Variants in FSTL4 observed in about 807,000 individuals in gnomAD.
The protein encoded by FSTL4 is follistatin like 4.
A neutral mutation model predicts 78.2 loss-of-function variants in FSTL4; 28 were observed. The ratio of observed to expected loss-of-function variants is 0.36; its 90% confidence interval spans 0.27 to 0.49. The LOEUF is 0.49. FSTL4 is among the 20% of genes least tolerant of loss of function. FSTL4 has a pLI of 0.98. For synonymous variants in FSTL4, 422 were observed against 440.5 expected (o/e 0.96, Z 0.53); for missense variants, 922 against 1,084.9 (o/e 0.85, Z 2.11).
intron 3 of FSTL4, among the ~76,000 whole-genome samples, chr5:133,508,471 G>A (rs1009683153): frequency 6.6e-5 from 10 of 152,196 alleles, no homozygotes; most frequent in Non-Finnish European, 1.2e-4. Flanking sequence ...CCACAAACAC[G>A]TGAATAAGGA....
chr5:133,560,720 G>C (rs1759893071), intron 3 of FSTL4, among the ~76,000 whole-genome samples: 1 of 151,230 alleles, frequency 6.6e-6, no homozygotes, highest in South Asian at 2.1e-4. Flanking sequence ...TCTGATTGTA[G>C]AAAGAGAGAA....
the FSTL4 span, among the ~76,000 whole-genome samples, chr5:133,719,890 G>T: frequency 2.0e-5 from 3 of 152,102 alleles, no homozygotes; most frequent in African/African-American, 7.2e-5. Flanking sequence ...TAAGATTGGA[G>T]TCAAGTCTTC....
At chr5:133,753,966 T>C in the FSTL4 span, among the ~76,000 whole-genome samples, 2 of 152,162 alleles carry the variant, frequency 1.3e-5, no homozygotes, top group Non-Finnish European at 2.9e-5. Flanking sequence ...AAAAAGGAGA[T>C]TGCAATAAGA....
At chr5:133,632,840 C>G in the FSTL4 span, among the ~76,000 whole-genome samples, 1 of 152,088 alleles carries the variant, frequency 6.6e-6, no homozygotes, top group Admixed American at 6.6e-5. Flanking sequence ...GTACACGTCA[C>G]CACACTCAGC....
At chr5:133,362,400 C>A (rs963186086) in intron 4 of FSTL4, among the ~76,000 whole-genome samples, 1 of 152,164 alleles carries the variant, frequency 6.6e-6, no homozygotes, top group South Asian at 2.1e-4. Context: ...TCTAAAAAGT[C>A]GGCACTGGAT....
At chr5:133,676,816 C>T in the FSTL4 span, among the ~76,000 whole-genome samples, 1 of 152,124 alleles carries the variant, frequency 6.6e-6, no homozygotes, top group South Asian at 2.1e-4. Context: ...TCATCAGAAA[C>T]TGGGAAAAAA....
intron 3 of FSTL4, among the ~76,000 whole-genome samples, chr5:133,487,777 T>C (rs1758166857): frequency 6.6e-6 from 1 of 152,160 alleles, no homozygotes; most frequent in African/African-American, 2.4e-5. Context: ...ACTGAGCTCA[T>C]TTCCAGCCCT....
the FSTL4 span, among the ~76,000 whole-genome samples, chr5:133,657,513 C>G: frequency 3.3e-5 from 5 of 152,232 alleles, no homozygotes; most frequent in African/African-American, 1.2e-4. Flanking sequence ...TCATGAAGGG[C>G]TCTTCTCTAG....
intron 6 of FSTL4, 110 bp downstream of exon 6, chr5:133,312,544 T>G: frequency 9.8e-7 from 1 of 1,015,756 alleles, no homozygotes; most frequent in Non-Finnish European, 1.5e-6. Context: ...TTCCTCTGTA[T>G]AAGAAACCAA....
chr5:133,328,035 T>C (rs1031334949), intron 4 of FSTL4, among the ~76,000 whole-genome samples: 5 of 152,212 alleles, frequency 3.3e-5, no homozygotes, highest in Non-Finnish European at 5.9e-5. Flanking sequence ...TAATTTTGAA[T>C]TTTCTAGGTT....
intron 7 of FSTL4, among the ~76,000 whole-genome samples, chr5:133,242,405 G>GT (rs1348987071): frequency 6.7e-6 from 1 of 149,266 alleles, no homozygotes; most frequent in African/African-American, 2.5e-5. Flanking sequence ...AAGAGACTCT[G>GT]TGGGGAGTTC....
chr5:133,512,732 T>C (rs1471144550), intron 3 of FSTL4, among the ~76,000 whole-genome samples: 1 of 152,226 alleles, frequency 6.6e-6, no homozygotes. Flanking sequence ...AGCAATGGCT[T>C]ATGCATATGA....
At chr5:133,794,348 G>A in the FSTL4 span, among the ~76,000 whole-genome samples, 1 of 152,202 alleles carries the variant, frequency 6.6e-6, no homozygotes, top group East Asian at 1.9e-4. Flanking sequence ...TATCCATCAG[G>A]AGTCAAGTCA....
intron 6 of FSTL4, among the ~76,000 whole-genome samples, chr5:133,293,994 C>A (rs976687684): frequency 6.6e-6 from 1 of 152,114 alleles, no homozygotes; most frequent in African/African-American, 2.4e-5. Flanking sequence ...TGGAGCCTTC[C>A]CATCTGTTCT....
chr5:133,613,453 G>C (rs568165893), upstream of FSTL4, among the ~76,000 whole-genome samples: 121 of 152,312 alleles, frequency 7.9e-4, 1 homozygote, highest in African/African-American at 2.7e-3. Flanking sequence ...CTCCTGGCCG[G>C]GGGGAGGTGA....
the FSTL4 span, among the ~76,000 whole-genome samples, chr5:133,727,542 C>T: frequency 8.5e-5 from 13 of 152,274 alleles, no homozygotes; most frequent in Non-Finnish European, 1.3e-4. Flanking sequence ...AATAATTTCT[C>T]CAAGAGCCCA....
the FSTL4 span, among the ~76,000 whole-genome samples, chr5:133,755,772 G>A: frequency 6.6e-6 from 1 of 152,154 alleles, no homozygotes; most frequent in Admixed American, 6.5e-5. Flanking sequence ...GACTCCAAGG[G>A]GAGCACCTGG....
chr5:133,363,096 T>A (rs1426261914), intron 4 of FSTL4, among the ~76,000 whole-genome samples: 1 of 152,226 alleles, frequency 6.6e-6, no homozygotes, highest in Non-Finnish European at 1.5e-5. Flanking sequence ...TGGGGTTTTA[T>A]GACTGCGCTG....
chr5:133,724,072 C>T, the FSTL4 span, among the ~76,000 whole-genome samples: 1 of 152,208 alleles, frequency 6.6e-6, no homozygotes, highest in Admixed American at 6.5e-5. Flanking sequence ...CCAGCAGTGG[C>T]TCCCACTCCA....
Sources: gnomAD v4.1 joint callset for allele counts (sites outside exome capture counted in the v4.1 genomes callset) on GRCh38, gnomAD v4.1.1 for gene constraint, MANE v1.5 for transcripts, NCBI Gene and HGNC (gene_info 2026-07-23, HGNC 2026-07-21) for gene names.